Variants in NCOA7 observed in about 807,000 individuals in gnomAD.
NCOA7 encodes the protein 140 kDa estrogen receptor-associated protein.
In NCOA7, 45 loss-of-function variants were observed where a neutral mutation model predicts 104.3. The observed-to-expected ratio is 0.43, with a 90% CI of 0.34 to 0.55. NCOA7 has a LOEUF of 0.55. Among genes scored for constraint, NCOA7 ranks in the 20% least tolerant of loss-of-function variants. NCOA7 has a pLI of 0.02. For missense variants in NCOA7, 1,041 were observed against 1,119.7 expected, an observed-to-expected ratio of 0.93 and a Z score of 1.00; for synonymous variants, 398 against 402.3, an observed-to-expected ratio of 0.99 and a Z score of 0.13.
chr6:125,832,244 A>C (rs1779254008), intron 2 of NCOA7, among the ~76,000 whole-genome samples: 1 of 152,222 alleles, frequency 6.6e-6, no homozygotes, highest in African/African-American at 2.4e-5. Flanking sequence ...CATGACAGTC[A>C]ATCTCTTGAT....
intron 10 of NCOA7, among the ~76,000 whole-genome samples, chr6:125,905,253 ATTT>A (rs375646356): frequency 9.1e-5 from 12 of 131,574 alleles, no homozygotes; most frequent in South Asian, 2.5e-4. Context: ...AAGGAATAAG[ATTT>A]TTTTTTTTTT....
At chr6:125,782,035 A>G (rs1774250249) in intron 1 of NCOA7, among the ~76,000 whole-genome samples, 1 of 152,076 alleles carries the variant, frequency 6.6e-6, no homozygotes, top group Admixed American at 6.5e-5. Context: ...CTGTAAATGC[A>G]GGATCCACAC....
At chr6:125,820,384 C>T (rs923726785) in intron 2 of NCOA7, among the ~76,000 whole-genome samples, 1 of 152,146 alleles carries the variant, frequency 6.6e-6, no homozygotes, top group Non-Finnish European at 1.5e-5. Context: ...TAAAAATAAC[C>T]AACTAACAAG....
At chr6:125,792,927 A>G (rs528432679) in intron 1 of NCOA7, among the ~76,000 whole-genome samples, 2 of 152,280 alleles carry the variant, frequency 1.3e-5, no homozygotes, top group South Asian at 4.1e-4. Context: ...GCTTAACAAT[A>G]TTATCTGGGC....
In NCOA7 at chr6:125,889,704, T is replaced by C. The variant is rs769417559; in HGVS notation, c.1650T>C (p.Ser550=). ...AAACAGAATTAAGTGATGGAAAAAGTATTGAACCAGGGGGAATAGACATTA... is the reference window on the plus strand; with the variant it reads ...AAACAGAATTAAGTGATGGAAAAAGCATTGAACCAGGGGGAATAGACATTA... The part of the protein sequence containing the change: ...LQKTELSDGK[S]IEPGGIDITL... The change falls in exon 9 of 16, where the codon AGT becomes AGC. Residue 550 remains serine (S), a synonymous_variant. Transcript: ENST00000392477. 3 of 1,613,898 alleles carry C rather than the reference T, an allele frequency of 1.9e-6. No individual in the cohort carries two copies. The highest frequency in any genetic ancestry group is 2.5e-6 in the Non-Finnish European group (3 of 1,179,974).
upstream of NCOA7, among the ~76,000 whole-genome samples, chr6:125,787,390 C>T (rs1051094486): frequency 2.6e-5 from 4 of 152,158 alleles, no homozygotes; most frequent in East Asian, 7.7e-4. Context: ...TCTCTAAGCC[C>T]GCCTACCTTA....
At chr6:125,922,187 G>T (rs1787645953) in intron 12 of NCOA7, among the ~76,000 whole-genome samples, 1 of 152,170 alleles carries the variant, frequency 6.6e-6, no homozygotes, top group Non-Finnish European at 1.5e-5. Flanking sequence ...ATTGATGCAG[G>T]TAAAAGATAT....
chr6:125,922,594 TG>T, intron 12 of NCOA7, 87 bp from the exon 13 acceptor site: 1 of 1,486,374 alleles, frequency 6.7e-7, no homozygotes, highest in Non-Finnish European at 9.2e-7. Context: ...ATACTGAGTT[TG>T]AATAACAGGC....
chr6:125,831,699 C>G (rs1779197818), intron 2 of NCOA7, among the ~76,000 whole-genome samples: 1 of 152,206 alleles, frequency 6.6e-6, no homozygotes, highest in African/African-American at 2.4e-5. Context: ...TGTTTTCTCT[C>G]TCTTACAGCT....
chr6:125,813,057 A>C (rs111297330), intron 1 of NCOA7, among the ~76,000 whole-genome samples: 1 of 151,926 alleles, frequency 6.6e-6, no homozygotes, highest in East Asian at 1.9e-4. Flanking sequence ...TCTCACGTCA[A>C]TCCTCTACCT....
intron 3 of NCOA7, among the ~76,000 whole-genome samples, chr6:125,858,795 A>G (rs1427212756): frequency 6.6e-6 from 1 of 151,982 alleles, no homozygotes; most frequent in East Asian, 1.9e-4. Context: ...AAATCTGACT[A>G]GAGGTGACAA....
At position 125,922,700 on chromosome 6, in the gene NCOA7, G is replaced by C; in HGVS notation, c.2389G>C (p.Ala797Pro). 1 of 1,613,216 alleles carries C rather than the reference G, an allele frequency of 6.2e-7. No individual in the cohort carries two copies. The highest frequency in any genetic ancestry group is 8.5e-7 in the Non-Finnish European group (1 of 1,179,832). The change falls in exon 13 of 16, where the codon GCA becomes CCA. Residue 797 changes from alanine to proline, a missense_variant. Around this residue, in one of 2 missense-constraint regions of NCOA7, gnomAD observed 127 missense variants for 177.0 expected, o/e 0.72. Transcript: ENST00000392477. ...HIEQLARRLP[A>P]RVQGYPWRLA... ...TTTGTAGCTGGCCCGACGCCTTCCTGCAAGGGTGCAAGGGTATCCATGGAG... is the reference window on the plus strand; with the variant it reads ...TTTGTAGCTGGCCCGACGCCTTCCTCCAAGGGTGCAAGGGTATCCATGGAG...
upstream of NCOA7, among the ~76,000 whole-genome samples, chr6:125,789,812 GGCT>G (rs1774662914): frequency 6.6e-6 from 1 of 152,212 alleles, no homozygotes; most frequent in African/African-American, 2.4e-5. Flanking sequence ...ACCCAGAGGA[GGCT>G]GCTATCTAGT....
At position 125,885,437 on chromosome 6, in the gene NCOA7, G is replaced by A. The variant is rs1784178982; in HGVS notation, c.884+94G>A. The A allele has an allele frequency of 4.1e-6, 5 of 1,220,082 alleles. No homozygotes were observed. In the South Asian group the frequency reaches 7.8e-5, roughly 19 times the overall value. 75.6% of individuals were successfully genotyped at this position (1,220,082 alleles called of 1,614,324 possible). A position where few individuals can be genotyped will look rare whatever the true frequency, so the allele number is the denominator to read the frequency against. On this transcript the variant is annotated intron_variant, in intron 8 of 15. Transcript: ENST00000392477. ...GGCATTTGCATGATTGAGGGATTGT[G>A]TAGAGGTGATTTTGAAGATGGAAGA...
In NCOA7 at chr6:125,931,532, C is replaced by T. The variant is rs1212101364; in HGVS notation, c.*2761C>T. On this transcript the variant is annotated 3_prime_UTR_variant, in exon 16 of 16. Coordinates refer to ENST00000392477, the MANE Select transcript of NCOA7 (RefSeq NM_181782.5). ...AGCAGTCTTCATTGCTTCATAATTCCTCAGTTCATAAGTCCATATCAAAGG... is the reference window on the plus strand; with the variant it reads ...AGCAGTCTTCATTGCTTCATAATTCTTCAGTTCATAAGTCCATATCAAAGG... 6.6e-6 allele frequency: 1 copy of T among 152,154 alleles called. No homozygotes were observed. The highest frequency in any genetic ancestry group is 2.4e-5 in the African/African-American group (1 of 41,420). The allele number at this position is 152,154 out of a possible 1,614,324, so 9.4% of individuals were successfully genotyped here.
intron 10 of NCOA7, among the ~76,000 whole-genome samples, chr6:125,911,751 G>T (rs893454127): frequency 6.6e-6 from 1 of 152,160 alleles, no homozygotes; most frequent in Non-Finnish European, 1.5e-5. Context: ...GTCGGTCTTC[G>T]TTCCATCTTC....
rs556567325 is a variant in NCOA7, at chr6:125,859,707, A to G, written c.271+4467A>G. On this transcript the variant is annotated intron_variant, in intron 3 of 15. Transcript: ENST00000392477. ...TCTATAAGCAATATATAACAAAATA[A>G]TTACTTTCTGTAGGTATCTATTCCA... Among the ~76,000 whole-genome samples, 97 of 152,362 alleles carry G rather than the reference A, an allele frequency of 6.4e-4. 2 individuals are homozygous for G. The highest frequency in any genetic ancestry group is 1.8e-4 in the Non-Finnish European group (12 of 68,038).
chr6:125,895,265 A>G (rs1220219703), intron 10 of NCOA7, among the ~76,000 whole-genome samples: 1 of 152,234 alleles, frequency 6.6e-6, no homozygotes, highest in Non-Finnish European at 1.5e-5. Context: ...TTCTCAAGCC[A>G]TGCATAAATG....
chr6:125,873,719 A>G (rs1345765191), intron 3 of NCOA7, among the ~76,000 whole-genome samples: 1 of 152,220 alleles, frequency 6.6e-6, no homozygotes, highest in Non-Finnish European at 1.5e-5. Flanking sequence ...CTCTGGAATG[A>G]CTGAACAGTT....
Sources: gnomAD v4.1 joint callset for allele counts (sites outside exome capture counted in the v4.1 genomes callset) on GRCh38, gnomAD v4.1.1 for gene constraint, gnomAD v4.1.1 regional missense constraint, MANE v1.5 for transcripts, NCBI Gene and HGNC (gene_info 2026-07-23, HGNC 2026-07-21) for gene names.